Variants in ANKFN1 observed in about 807,000 individuals in gnomAD.
The protein encoded by ANKFN1 is ankyrin repeat and fibronectin type III domain containing 1.
In ANKFN1, 74 loss-of-function variants were observed where a neutral mutation model predicts 108.7. That is an observed-to-expected ratio of 0.68 (90% CI 0.56 to 0.83). ANKFN1 has a LOEUF of 0.83. ANKFN1 is among the 40% of genes least tolerant of loss of function. The pLI, the probability that ANKFN1 is intolerant of heterozygous loss-of-function variation, is 0.00. For missense variants in ANKFN1, 1,505 were observed against 1,382.3 expected, an observed-to-expected ratio of 1.09 and a Z score of -1.41; for synonymous variants, 547 against 516.2, an observed-to-expected ratio of 1.06 and a Z score of -0.81.
Position 56,353,917 on chromosome 17 carries a change from A to G in ANKFN1, c.472A>G (p.Thr158Ala), listed in dbSNP as rs1291511793. 6.2e-7 allele frequency: 1 copy of G among 1,614,034 alleles called. No homozygotes were observed. The highest frequency in any genetic ancestry group is 1.1e-5 in the South Asian group (1 of 91,086). The change falls in exon 6 of 21, where the codon ACA (threonine) becomes GCA (alanine). Residue 158 changes from threonine to alanine, a missense_variant. Thr to Ala is a moderately conservative substitution (Grantham distance 58, BLOSUM62 0). Coordinates refer to ENST00000682825, the MANE Select transcript of ANKFN1 (RefSeq NM_001370326.1). The part of the protein sequence containing the change: ...DAVQILLYQY[T>A]PEELDLNTPN... The stretch of plus-strand genomic sequence containing the variant: ...TGTGCAGATCCTCCTGTATCAGTAC[A>G]CACCAGAAGAACTTGACCTCAACAC...
chr17:56,128,459 A>G (rs1043040735), intron 4 of ANKFN1, among the ~76,000 whole-genome samples: 4 of 152,122 alleles, frequency 2.6e-5, no homozygotes, highest in African/African-American at 9.7e-5. Flanking sequence ...CTCACTTGGG[A>G]TTGAATGTTC....
chr17:56,218,839 A>G (rs1386186364), intron 2 of ANKFN1, among the ~76,000 whole-genome samples: 1 of 152,224 alleles, frequency 6.6e-6, no homozygotes, highest in African/African-American at 2.4e-5. Context: ...TTGATCTTTG[A>G]TCCAATGTTT....
chr17:56,158,539 C>T (rs947815633), intron 1 of ANKFN1, among the ~76,000 whole-genome samples: 1 of 152,146 alleles, frequency 6.6e-6, no homozygotes. Flanking sequence ...GGGGCTTGGA[C>T]AAAGCAAGTG....
intron 18 of ANKFN1, 147 bp from the exon 19 acceptor site, chr17:56,492,038 GCA>G: frequency 1.7e-6 from 1 of 580,528 alleles, no homozygotes; most frequent in Non-Finnish European, 3.1e-6. Context: ...CCCCTTAAGA[GCA>G]CATTTATAAT....
In ANKFN1 at chr17:56,512,481, C is replaced by T. The variant is rs952009368; in HGVS notation, c.*1212C>T. 3.9e-5 allele frequency among the ~76,000 whole-genome samples: 6 copies of T among 152,228 alleles called. No homozygotes were observed. The highest frequency in any genetic ancestry group is 8.8e-5 in the Non-Finnish European group (6 of 68,046). On this transcript the variant is annotated 3_prime_UTR_variant, in exon 21 of 21. Coordinates refer to ENST00000682825, the MANE Select transcript of ANKFN1 (RefSeq NM_001370326.1). ...GTTAATTCCAAGGATGTGCTAAAAA[C>T]ATCTGGAAATCTTGCTTTGGTCTCA...
intron 4 of ANKFN1, among the ~76,000 whole-genome samples, chr17:56,143,779 C>A (rs8079053): frequency 0.18 from 27,414 of 151,968 alleles, 2,843 homozygotes; most frequent in East Asian, 0.28. Context: ...CCAAGTGAAG[C>A]CGAACACAGA....
At chr17:56,413,924 C>T (rs1382499432) in intron 8 of ANKFN1, among the ~76,000 whole-genome samples, 1 of 152,156 alleles carries the variant, frequency 6.6e-6, no homozygotes, top group African/African-American at 2.4e-5. Context: ...GTGATCCGCC[C>T]ACCTCATCCT....
At chr17:56,415,075 A>G (rs970200949) in intron 8 of ANKFN1, among the ~76,000 whole-genome samples, 1 of 152,156 alleles carries the variant, frequency 6.6e-6, no homozygotes, top group Non-Finnish European at 1.5e-5. Context: ...ATACCTCAAC[A>G]TAATAAGAAC....
Position 56,455,013 on chromosome 17 carries a change from T to C in ANKFN1, c.1208-1848T>C, listed in dbSNP as rs1226746609. ...AGTCTAACTACTTTTTGAACAGGCT[T>C]TCACAAATCCTCCTTGTTTTTAGCT... is the stretch of plus-strand genomic sequence containing the variant. On this transcript the variant is annotated intron_variant, in intron 11 of 20. Coordinates refer to ENST00000682825, the MANE Select transcript of ANKFN1 (RefSeq NM_001370326.1). 4.6e-5 allele frequency among the ~76,000 whole-genome samples: 7 copies of C among 152,092 alleles called. 1 individual carries two copies. The highest frequency in any genetic ancestry group is 4.6e-4 in the Admixed American group (7 of 15,276).
chr17:56,399,364 C>G (rs1166977507), intron 8 of ANKFN1, among the ~76,000 whole-genome samples: 4 of 151,722 alleles, frequency 2.6e-5, no homozygotes, highest in Non-Finnish European at 4.4e-5. Context: ...TTTAAGAGAA[C>G]TTCAACAAAA....
chr17:56,351,636 G>A (rs890258362), intron 5 of ANKFN1, among the ~76,000 whole-genome samples: 22 of 152,276 alleles, frequency 1.4e-4, no homozygotes, highest in African/African-American at 4.8e-4. Flanking sequence ...AACTAAAAAT[G>A]TCTCAGTCCA....
rs574586362 is a variant in ANKFN1 at position 56,512,369 on chromosome 17, A to G, written c.*1100A>G. Among the ~76,000 whole-genome samples the G allele has an allele frequency of 5.3e-5, 8 of 152,212 alleles. No individual in the cohort carries two copies. The South Asian group carries it at 1.0e-3, about 20-fold the overall frequency. On this transcript the variant is annotated 3_prime_UTR_variant, in exon 21 of 21. Transcript: ENST00000682825. ...CTAGGGTGGCTGCCTTTCCCTTTCA[A>G]CCTACCTCTCCTTAGGTCAAATTTG... is the stretch of plus-strand genomic sequence containing the variant.
chr17:56,454,234 C>A (rs565799640), intron 11 of ANKFN1, among the ~76,000 whole-genome samples: 1 of 152,228 alleles, frequency 6.6e-6, no homozygotes, highest in East Asian at 1.9e-4. Flanking sequence ...GCTTTAATTG[C>A]TAAGCCTTCT....
At chr17:56,401,325 A>AGTATTGTATTGTATTGTATTGTATT (rs1176791583) in intron 8 of ANKFN1, among the ~76,000 whole-genome samples, 5 of 143,412 alleles carry the variant, frequency 3.5e-5, no homozygotes, top group African/African-American at 1.3e-4. Flanking sequence ...TACATTCCGA[A>AGTATTGTATTGTATTGTATTGTATT]GTATTGTATT....
chr17:56,207,818 G>A (rs1303158796), intron 1 of ANKFN1, among the ~76,000 whole-genome samples: 2 of 151,714 alleles, frequency 1.3e-5, no homozygotes, highest in East Asian at 3.9e-4. Context: ...TCCAGATTTT[G>A]TCCTTTTAGA....
intron 8 of ANKFN1, among the ~76,000 whole-genome samples, chr17:56,375,955 C>T (rs747534032): frequency 3.9e-5 from 6 of 152,186 alleles, no homozygotes; most frequent in Non-Finnish European, 5.9e-5. Flanking sequence ...AGAATCATCA[C>T]ATTATGCTGA....
intron 8 of ANKFN1, among the ~76,000 whole-genome samples, chr17:56,408,758 T>G (rs756266214): frequency 2.6e-5 from 4 of 152,180 alleles, no homozygotes; most frequent in Non-Finnish European, 4.4e-5. Context: ...ACTAGCTCCT[T>G]AAAGATCAGC....
intron 16 of ANKFN1, among the ~76,000 whole-genome samples, chr17:56,479,869 T>C (rs9912206): frequency 0.068 from 10,380 of 152,276 alleles, 840 homozygotes; most frequent in African/African-American, 0.2. Context: ...GCCAACTGAA[T>C]GTGTTTAGAG....
chr17:56,150,908 G>A (rs1336937027), upstream of ANKFN1, among the ~76,000 whole-genome samples: 1 of 152,190 alleles, frequency 6.6e-6, no homozygotes, highest in Non-Finnish European at 1.5e-5. Flanking sequence ...GAAGTAATTA[G>A]TTGATTATTT....
Sources: allele counts gnomAD v4.1 joint callset (sites outside exome capture counted in the v4.1 genomes callset), GRCh38; gene constraint gnomAD v4.1.1; transcripts MANE v1.5; gene names NCBI Gene and HGNC (gene_info 2026-07-23, HGNC 2026-07-21).